The following TAOK3 variants were observed in gnomAD, a reference collection of about 807,000 sequenced individuals.
TAOK3 encodes the protein serine/threonine-protein kinase TAO3.
A neutral mutation model predicts 120.4 loss-of-function variants in TAOK3; 40 were observed. The observed-to-expected ratio is 0.33, with a 90% CI of 0.26 to 0.43. The LOEUF is 0.43. Ranked by LOEUF, TAOK3 falls within the 20% of genes least tolerant of loss-of-function variation. The pLI is 1.00. For synonymous variants in TAOK3, 355 were observed against 387.5 expected (o/e 0.92, Z 0.99); for missense variants, 821 against 1,112.1 (o/e 0.74, Z 3.72).
At chr12:118,228,095 A>C (rs551435233) in intron 9 of TAOK3, among the ~76,000 whole-genome samples, 1 of 150,970 alleles carries the variant, frequency 6.6e-6, no homozygotes, top group South Asian at 2.1e-4. Flanking sequence ...TCCAGTGTTT[A>C]CTGTTCTAGA....
At chr12:118,157,435 CAT>C (rs2034914426) in intron 19 of TAOK3, among the ~76,000 whole-genome samples, 1 of 152,208 alleles carries the variant, frequency 6.6e-6, no homozygotes. Context: ...GTCTTGTTCT[CAT>C]GTTAGTCCTC....
intron 11 of TAOK3, among the ~76,000 whole-genome samples, chr12:118,207,845 G>T (rs111291910): frequency 1.0e-5 from 1 of 96,522 alleles, no homozygotes. Flanking sequence ...GGGCAACGGC[G>T]CGAGACTCTG....
At chr12:118,169,081 T>C (rs1374398923) in intron 17 of TAOK3, among the ~76,000 whole-genome samples, 1 of 152,072 alleles carries the variant, frequency 6.6e-6, no homozygotes, top group African/African-American at 2.4e-5. Context: ...TGGCGCGATC[T>C]CGGCTCACTG....
chr12:118,372,439 G>A lies in TAOK3; in HGVS notation c.-194+209C>T, dbSNP rs552679537. ...GGAGACCCCTCCCCTCAGACTTTCA[G>A]TCTTGGACCCTCTCGGAGTCCTCTC... On this transcript the variant is annotated intron_variant, in intron 1 of 20. Coordinates refer to ENST00000392533, the MANE Select transcript of TAOK3 (RefSeq NM_016281.4). This position sits in a 1 kb window ranked among gnomAD's most constrained non-coding sequence, Gnocchi z 4.6. Among the ~76,000 whole-genome samples, 30 of 148,026 alleles carry A rather than the reference G, an allele frequency of 2.0e-4. No homozygotes were observed. Among genetic ancestry groups the A allele is most frequent in the Middle Eastern group, 3.4e-3 (1 of 290 alleles).
At position 118,363,156 on chromosome 12, in the gene TAOK3, A is replaced by G. The variant is rs559225541; in HGVS notation, c.-194+9492T>C. Among the ~76,000 whole-genome samples, 60 of 152,152 alleles carry G rather than the reference A, an allele frequency of 3.9e-4. 1 individual carries two copies. The highest frequency in any genetic ancestry group is 1.8e-4 in the Non-Finnish European group (12 of 68,034). ...AACACTGAGTCAAAGGCCACTTTAG[A>G]GAATATTATCAATGTTAAAAACGAA... On this transcript the variant is annotated intron_variant, in intron 1 of 20. Coordinates refer to ENST00000392533, the MANE Select transcript of TAOK3 (RefSeq NM_016281.4).
At chr12:118,309,748 T>G (rs1411070531) in intron 1 of TAOK3, among the ~76,000 whole-genome samples, 2 of 151,940 alleles carry the variant, frequency 1.3e-5, no homozygotes, top group Non-Finnish European at 2.9e-5. Context: ...ACTCCTGACC[T>G]CAGGTGATCT....
intron 1 of TAOK3, among the ~76,000 whole-genome samples, chr12:118,353,278 C>T (rs1301945409): frequency 6.6e-6 from 1 of 152,072 alleles, no homozygotes; most frequent in Non-Finnish European, 1.5e-5. Context: ...ACAGGTAGTA[C>T]ACTTCACACA....
intron 1 of TAOK3, among the ~76,000 whole-genome samples, chr12:118,315,093 G>C (rs1235344793): frequency 6.6e-6 from 1 of 151,914 alleles, no homozygotes; most frequent in Non-Finnish European, 1.5e-5. Flanking sequence ...ACCACCCCTG[G>C]CTAACTTTTA....
intron 2 of TAOK3, among the ~76,000 whole-genome samples, chr12:118,260,816 A>G (rs1033999262): frequency 6.6e-6 from 1 of 152,098 alleles, no homozygotes; most frequent in African/African-American, 2.4e-5. Context: ...AAGCAGGTGG[A>G]ATTACAGGCA....
In TAOK3 at chr12:118,183,021, CCCTATTTTT is replaced by C. The variant is rs141214467; in HGVS notation, c.1330-1423_1330-1415del. Among the ~76,000 whole-genome samples, 271 of 152,124 alleles carry C rather than the reference CCCTATTTTT, an allele frequency of 1.8e-3. 2 individuals are homozygous for C. The highest frequency in any genetic ancestry group is 6.3e-3 in the African/African-American group (260 of 41,504). On this transcript the variant is annotated intron_variant, in intron 14 of 20. Transcript: ENST00000392533. ...CTCTTTATTTTCCTGATCACTTCCTCCCTATTTTTCCTATTTTAGAAAAAAAATCTTAAT... is the reference window on the plus strand; with the variant it reads ...CTCTTTATTTTCCTGATCACTTCCTCCCTATTTTAGAAAAAAAATCTTAAT...
intron 11 of TAOK3, among the ~76,000 whole-genome samples, chr12:118,210,454 T>C (rs1159455563): frequency 6.6e-6 from 1 of 152,156 alleles, no homozygotes; most frequent in African/African-American, 2.4e-5. Context: ...CTGGAGTCAG[T>C]TGGTTTTTCC....
chr12:118,239,715 T>C (rs1270993290), intron 5 of TAOK3, among the ~76,000 whole-genome samples: 2 of 152,228 alleles, frequency 1.3e-5, no homozygotes, highest in African/African-American at 2.4e-5. Flanking sequence ...AATTCCTTTT[T>C]TTCACACTTT....
At chr12:118,171,918 T>G (rs1382652614) in intron 17 of TAOK3, among the ~76,000 whole-genome samples, 1 of 152,248 alleles carries the variant, frequency 6.6e-6, no homozygotes. Flanking sequence ...CTATGTCTAA[T>G]ATGTCACCTA....
At chr12:118,209,025 G>T (rs944234993) in intron 11 of TAOK3, among the ~76,000 whole-genome samples, 5 of 151,962 alleles carry the variant, frequency 3.3e-5, no homozygotes, top group Admixed American at 1.3e-4. Context: ...TTATTCTTTA[G>T]ATATTCTTAT....
chr12:118,347,377 TC>T (rs1159066865), intron 1 of TAOK3, among the ~76,000 whole-genome samples: 1 of 152,124 alleles, frequency 6.6e-6, no homozygotes, highest in African/African-American at 2.4e-5. Flanking sequence ...CTCTCATTTT[TC>T]TTCAATCCGC....
chr12:118,248,449 AATC>A (rs1295816270), intron 3 of TAOK3, among the ~76,000 whole-genome samples: 1 of 152,142 alleles, frequency 6.6e-6, no homozygotes, highest in Non-Finnish European at 1.5e-5. Context: ...CTTATATGGC[AATC>A]ATAAATAAAA....
chr12:118,278,317 C>T (rs947553426), intron 1 of TAOK3, among the ~76,000 whole-genome samples: 1 of 152,038 alleles, frequency 6.6e-6, no homozygotes, highest in Non-Finnish European at 1.5e-5. Flanking sequence ...CAAGTAGGCC[C>T]TGGTGTCTGT....
rs540997424 is a variant in TAOK3, at chr12:118,246,686, C to T, written c.121-1721G>A. 1.8e-5 allele frequency: 29 copies of T among 1,577,900 alleles called. No homozygotes were observed. The East Asian group carries it at 3.2e-4, about 17-fold the overall frequency. ...TGCGCCTCATCCCTGCACCCAGGGG[C>T]ACTGGCATCGTCTCCGCACCTGTGC... On this transcript the variant is annotated intron_variant, in intron 3 of 20. Transcript: ENST00000392533.
chr12:118,168,984 CCTTCCTTCCTTCCTTCCTTT>C (rs771337951), intron 17 of TAOK3, among the ~76,000 whole-genome samples: 8,178 of 146,558 alleles, frequency 0.056, 317 homozygotes, highest in Non-Finnish European at 0.081. Flanking sequence ...TTCCTTCCTT[CCTTCCTTCCTTCCTTCCTTT>C]CTTTCTTTCT....
Sources: gnomAD v4.1 joint callset for allele counts (sites outside exome capture counted in the v4.1 genomes callset) on GRCh38, gnomAD v4.1.1 for gene constraint, Gnocchi (gnomAD v3.1) non-coding constraint, MANE v1.5 for transcripts, NCBI Gene and HGNC (gene_info 2026-07-23, HGNC 2026-07-21) for gene names.